Variants in XRCC4 observed in about 807,000 individuals in gnomAD.
XRCC4 encodes X-ray repair cross complementing 4.
XRCC4 carries 28 observed loss-of-function variants against 39.1 expected under a neutral mutation model. The observed-to-expected ratio is 0.72, with a 90% CI of 0.53 to 0.98. The LOEUF (loss-of-function observed/expected upper bound fraction) is 0.98, where lower values mean the gene tolerates loss of function less well. Ranked by LOEUF, XRCC4 falls within the 50% of genes least tolerant of loss-of-function variation. The pLI is 0.00. For synonymous variants in XRCC4, 123 were observed against 126.4 expected (o/e 0.97, Z 0.18); for missense variants, 350 against 376.4 (o/e 0.93, Z 0.58).
At chr5:83,242,487 C>T (rs988200703) in intron 6 of XRCC4, among the ~76,000 whole-genome samples, 1 of 151,776 alleles carries the variant, frequency 6.6e-6, no homozygotes, top group Non-Finnish European at 1.5e-5. Context: ...ACTTTGTTGC[C>T]CAGGCTGGAA....
At position 83,240,604 on chromosome 5, in the gene XRCC4, T is replaced by C. The variant is rs190392505; in HGVS notation, c.746-17926T>C. ...GATGTAAAATGCTTACATATTGAACTCTTACTTTGGGGCCACACAAAAAAA... is the reference window on the plus strand; with the variant it reads ...GATGTAAAATGCTTACATATTGAACCCTTACTTTGGGGCCACACAAAAAAA... On this transcript the variant is annotated intron_variant, in intron 6 of 7. Transcript: ENST00000396027. Among the ~76,000 whole-genome samples, 9 of 152,244 alleles carry C rather than the reference T, an allele frequency of 5.9e-5. No individual in the cohort carries two copies. In the East Asian group the frequency reaches 1.7e-3, roughly 29 times the overall value.
intron 3 of XRCC4, among the ~76,000 whole-genome samples, chr5:83,163,514 A>G (rs1021481578): frequency 3.9e-5 from 6 of 152,228 alleles, no homozygotes; most frequent in Non-Finnish European, 5.9e-5. Flanking sequence ...AGAGCACTGT[A>G]AACAAAATAA....
chr5:83,279,421 C>T (rs967466974), intron 7 of XRCC4, among the ~76,000 whole-genome samples: 3 of 152,122 alleles, frequency 2.0e-5, no homozygotes, highest in African/African-American at 7.2e-5. Context: ...ACTCACAAAA[C>T]AATTTTTAAA....
chr5:83,089,673 C>T (rs10462397), intron 1 of XRCC4, among the ~76,000 whole-genome samples: 5,995 of 151,934 alleles, frequency 0.039, 196 homozygotes, highest in South Asian at 0.15. Context: ...TTATGCCTCA[C>T]GAATAATTTT....
intron 3 of XRCC4, among the ~76,000 whole-genome samples, chr5:83,130,964 T>G (rs1396218116): frequency 2.0e-5 from 3 of 152,142 alleles, no homozygotes; most frequent in Non-Finnish European, 2.9e-5. Flanking sequence ...GTGTCTCTTA[T>G]CTCCTTCAAT....
At chr5:83,273,480 T>C (rs1754213463) in intron 7 of XRCC4, among the ~76,000 whole-genome samples, 1 of 152,180 alleles carries the variant, frequency 6.6e-6, no homozygotes, top group Non-Finnish European at 1.5e-5. Context: ...GGTGTTTTAG[T>C]CATGAAGTCT....
intron 6 of XRCC4, among the ~76,000 whole-genome samples, chr5:83,220,914 T>C (rs1017224018): frequency 6.6e-6 from 1 of 152,198 alleles, no homozygotes; most frequent in Admixed American, 6.5e-5. Context: ...ATATTTTCTT[T>C]CTTTTTCGGT....
chr5:83,307,128 C>T (rs1755518771), intron 7 of XRCC4, among the ~76,000 whole-genome samples: 1 of 152,202 alleles, frequency 6.6e-6, no homozygotes, highest in Admixed American at 6.5e-5. Flanking sequence ...GTATCTGAAT[C>T]CAGTGCACAC....
At chr5:83,092,179 T>A (rs1457824248) in intron 1 of XRCC4, among the ~76,000 whole-genome samples, 2 of 152,194 alleles carry the variant, frequency 1.3e-5, no homozygotes, top group Non-Finnish European at 2.9e-5. Context: ...CCTATTCAGG[T>A]CAATAGCTCA....
chr5:83,371,376 C>A, the XRCC4 span, among the ~76,000 whole-genome samples: 4 of 152,154 alleles, frequency 2.6e-5, no homozygotes, highest in Admixed American at 6.6e-5. Flanking sequence ...TTTATAAAGA[C>A]AAGAACCCAG....
At chr5:83,329,219 G>A (rs778385090) in intron 7 of XRCC4, among the ~76,000 whole-genome samples, 7 of 152,034 alleles carry the variant, frequency 4.6e-5, no homozygotes, top group Non-Finnish European at 8.8e-5. Context: ...TATTTTTAAC[G>A]TCTTAAGAGA....
In XRCC4 at chr5:83,104,056, T is replaced by G. The variant is rs1462685148; in HGVS notation, c.-10-854T>G. Among the ~76,000 whole-genome samples the G allele has an allele frequency of 2.6e-5, 4 of 152,298 alleles. No individual in the cohort carries two copies. In the East Asian group the frequency reaches 5.8e-4, roughly 22 times the overall value. Reference sequence around the variant, plus strand: ...TACTTTTCTGTCTATATATAATACTTAAATACAAAACTTAAAGAATGCAGA... The same window carrying G: ...TACTTTTCTGTCTATATATAATACTGAAATACAAAACTTAAAGAATGCAGA... On this transcript the variant is annotated intron_variant, in intron 1 of 7. Coordinates refer to ENST00000396027, the MANE Select transcript of XRCC4 (RefSeq NM_003401.5).
At chr5:83,170,314 C>G (rs1046845724) in intron 3 of XRCC4, among the ~76,000 whole-genome samples, 3 of 152,078 alleles carry the variant, frequency 2.0e-5, no homozygotes, top group Non-Finnish European at 4.4e-5. Context: ...GTAGTTATTT[C>G]TCTTTGTACT....
intron 6 of XRCC4, among the ~76,000 whole-genome samples, chr5:83,213,863 A>T (rs1456527651): frequency 6.6e-6 from 1 of 152,226 alleles, no homozygotes; most frequent in East Asian, 1.9e-4. Context: ...ATTATACACT[A>T]TGACCAACTG....
chr5:83,101,229 A>G (rs2112356618), intron 1 of XRCC4, among the ~76,000 whole-genome samples: 1 of 152,154 alleles, frequency 6.6e-6, no homozygotes, highest in Admixed American at 6.6e-5. Context: ...TTGCATATTT[A>G]TAATTTTTAT....
At chr5:83,327,016 C>T (rs1756284887) in intron 7 of XRCC4, among the ~76,000 whole-genome samples, 1 of 152,044 alleles carries the variant, frequency 6.6e-6, no homozygotes. Context: ...AGAAAATGCT[C>T]TTCAGGGGAA....
intron 1 of XRCC4, among the ~76,000 whole-genome samples, chr5:83,104,429 A>C (rs1746096096): frequency 2.0e-5 from 3 of 152,094 alleles, no homozygotes; most frequent in African/African-American, 7.2e-5. Flanking sequence ...AGCCTATTGA[A>C]TCTGGGGGAA....
intron 7 of XRCC4, among the ~76,000 whole-genome samples, chr5:83,350,699 CT>C (rs1288394412): frequency 1.3e-5 from 2 of 152,042 alleles, no homozygotes; most frequent in Non-Finnish European, 2.9e-5. Context: ...AGGATATTTT[CT>C]CCTATTCTGT....
At chr5:83,231,036 T>C (rs1421970315) in intron 6 of XRCC4, among the ~76,000 whole-genome samples, 4 of 151,992 alleles carry the variant, frequency 2.6e-5, no homozygotes, top group African/African-American at 4.8e-5. Context: ...GTCAGGATTA[T>C]GAAAGTAAAA....
Sources: gnomAD v4.1 joint callset for allele counts (sites outside exome capture counted in the v4.1 genomes callset) on GRCh38, gnomAD v4.1.1 for gene constraint, MANE v1.5 for transcripts, NCBI Gene and HGNC (gene_info 2026-07-23, HGNC 2026-07-21) for gene names.